LRRC49: variants seen among roughly 807,000 people sequenced by gnomAD.
LRRC49 encodes the protein leucine rich repeat containing 49, also known as leucine-rich repeat-containing protein 49.
In LRRC49, 50 loss-of-function variants were observed where a neutral mutation model predicts 83.3. The ratio of observed to expected loss-of-function variants is 0.60; its 90% CI spans 0.48 to 0.76. The LOEUF (loss-of-function observed/expected upper bound fraction) is 0.76, where lower values mean the gene tolerates loss of function less well. LRRC49 is among the 30% of genes least tolerant of loss of function. The pLI is 0.00. For synonymous variants in LRRC49, 286 were observed against 283.3 expected, an observed-to-expected ratio of 1.01 and a Z score of -0.10; for missense variants, 704 against 809.1, an observed-to-expected ratio of 0.87 and a Z score of 1.58.
chr15:71,008,199 T>A (rs1162719230), intron 11 of LRRC49, among the ~76,000 whole-genome samples, 180 bp from the exon 12 acceptor site: 1 of 151,940 alleles, frequency 6.6e-6, no homozygotes, highest in Admixed American at 6.6e-5. Context: ...TTAAAATATA[T>A]GATTAGAATA....
At chr15:71,008,183 CTTAAA>C (rs1159980055) in intron 11 of LRRC49, among the ~76,000 whole-genome samples, 191 bp from the exon 12 acceptor site, 3 of 151,672 alleles carry the variant, frequency 2.0e-5, no homozygotes, top group African/African-American at 7.3e-5. Flanking sequence ...TAACATGCCT[CTTAAA>C]TTAAAATATA....
chr15:71,024,202 T>A (rs1364069913), intron 14 of LRRC49, among the ~76,000 whole-genome samples: 3 of 152,176 alleles, frequency 2.0e-5, no homozygotes. Context: ...ATCTGGGTAG[T>A]CCAGACAAGT....
chr15:70,906,842 ATTTG>A (rs776164226), intron 5 of LRRC49, among the ~76,000 whole-genome samples: 13 of 151,982 alleles, frequency 8.6e-5, no homozygotes, highest in Admixed American at 2.6e-4. Flanking sequence ...CATCTTTTTT[ATTTG>A]TTATTTGTTT....
At chr15:70,986,329 C>G (rs1236123154) in intron 11 of LRRC49, among the ~76,000 whole-genome samples, 1 of 151,608 alleles carries the variant, frequency 6.6e-6, no homozygotes, top group Non-Finnish European at 1.5e-5. Flanking sequence ...GTTTGTAGTT[C>G]TCCTTGAAGA....
At chr15:71,037,390 A>G in intron 15 of LRRC49, 58 bp downstream of exon 15, 1 of 1,387,846 alleles carries the variant, frequency 7.2e-7, no homozygotes, top group Non-Finnish European at 9.8e-7. Context: ...CATGGCTTGG[A>G]ATTTGGGGGT....
rs547754814 is a variant in LRRC49, at chr15:70,915,052, TATCA to T, written c.567+3464_567+3467del. On this transcript the variant is annotated intron_variant, in intron 6 of 15. Coordinates refer to ENST00000260382, the MANE Select transcript of LRRC49 (RefSeq NM_017691.5). ...TCATCTTTTTTCTTGCTGTGAAGTATATCAATCAATCAAGACCTATGCTGTCACT... is the reference window on the plus strand; with the variant it reads ...TCATCTTTTTTCTTGCTGTGAAGTATATCAATCAAGACCTATGCTGTCACT... Among the ~76,000 whole-genome samples the T allele has an allele frequency of 9.8e-5, 15 of 152,342 alleles. No homozygotes were observed. In the South Asian group the frequency reaches 2.3e-3, roughly 23 times the overall value.
Position 71,030,012 on chromosome 15 carries a change from C to T in LRRC49, c.1704-7167C>T, listed in dbSNP as rs550490095. ...ATTATTTTAATTGGGGCATTTAGCC[C>T]ATTTACATTTAAGGTTAATATTATT... On this transcript the variant is annotated intron_variant, in intron 14 of 15. Transcript: ENST00000260382. 2.0e-4 allele frequency among the ~76,000 whole-genome samples: 30 copies of T among 152,246 alleles called. 1 individual carries two copies. The South Asian group carries it at 6.2e-3, about 32-fold the overall frequency.
intron 8 of LRRC49, among the ~76,000 whole-genome samples, chr15:70,943,214 A>G (rs938481405): frequency 8.1e-4 from 123 of 152,148 alleles, no homozygotes; most frequent in African/African-American, 2.7e-3. Context: ...GATACTTATT[A>G]TAGAACTAGA....
rs142501178 is a variant in LRRC49, at chr15:70,949,494, C to T, written c.773+12672C>T. 7.2e-5 allele frequency among the ~76,000 whole-genome samples: 11 copies of T among 152,186 alleles called. No individual in the cohort carries two copies. The East Asian group carries it at 1.9e-3, about 27-fold the overall frequency. ...AATACTTGTTAATTATAATAAGTGA[C>T]CCTGTTTTTGGTTTATGATGTACTA... is the stretch of plus-strand genomic sequence containing the variant. On this transcript the variant is annotated intron_variant, in intron 8 of 15. Coordinates refer to ENST00000260382, the MANE Select transcript of LRRC49 (RefSeq NM_017691.5).
chr15:70,944,194 C>T (rs1326535089), intron 8 of LRRC49, among the ~76,000 whole-genome samples: 1 of 152,124 alleles, frequency 6.6e-6, no homozygotes, highest in Non-Finnish European at 1.5e-5. Flanking sequence ...AAGCTGCTTA[C>T]ATAACTGCAC....
chr15:70,989,739 G>GT (rs1170596501), intron 11 of LRRC49, among the ~76,000 whole-genome samples: 3 of 152,124 alleles, frequency 2.0e-5, no homozygotes, highest in African/African-American at 4.8e-5. Context: ...TTTCTGCTCT[G>GT]TTTTTTCCCC....
chr15:71,049,534 T>C lies in LRRC49; in HGVS notation c.1983T>C (p.Val661=). 6.2e-7 allele frequency: 1 copy of C among 1,614,014 alleles called. No individual in the cohort carries two copies. The highest frequency in any genetic ancestry group is 8.5e-7 in the Non-Finnish European group (1 of 1,179,886). Residue 661 remains valine (V), a synonymous_variant, in exon 16 of 16, where the codon GTT becomes GTC. Transcript: ENST00000260382. ...KLWPQMFIEL[V]RDAVIEIRNK... is the part of the protein sequence containing the mutation. ...GGCCACAGATGTTCATTGAGCTTGT[T>C]AGGGATGCAGTCATAGAAATTCGCA...
chr15:70,910,363 A>G lies in LRRC49; in HGVS notation c.501-1169A>G, dbSNP rs137995264. On this transcript the variant is annotated intron_variant, in intron 5 of 15. Transcript: ENST00000260382. ...TAATGATCAGTATGTATGTATATAC[A>G]TACACACTACATATATATATCACAT... Among the ~76,000 whole-genome samples, 158 of 152,278 alleles carry G rather than the reference A, an allele frequency of 1.0e-3. 4 individuals are homozygous for G. In the South Asian group the frequency reaches 0.024, roughly 24 times the overall value.
rs528296066 is a variant in LRRC49 at position 70,920,969 on chromosome 15, A to G, written c.711+1776A>G. Reference sequence around the variant, plus strand: ...TTCCATCATTTTTTTCTCCAGTATCAGTTACCACACTTATTCTTCTTGCTT... The same window carrying G: ...TTCCATCATTTTTTTCTCCAGTATCGGTTACCACACTTATTCTTCTTGCTT... On this transcript the variant is annotated intron_variant, in intron 7 of 15. Coordinates refer to ENST00000260382, the MANE Select transcript of LRRC49 (RefSeq NM_017691.5). Among the ~76,000 whole-genome samples the G allele has an allele frequency of 6.6e-5, 10 of 152,254 alleles. No individual in the cohort carries two copies. The South Asian group carries it at 2.1e-3, about 32-fold the overall frequency.
At chr15:70,983,768 A>C (rs2037490293) in intron 10 of LRRC49, among the ~76,000 whole-genome samples, 1 of 152,142 alleles carries the variant, frequency 6.6e-6, no homozygotes, top group Admixed American at 6.5e-5. Context: ...AAGTATGTAA[A>C]AATTTATGTG....
chr15:70,877,749 T>G (rs2033181097), intron 2 of LRRC49, among the ~76,000 whole-genome samples: 1 of 152,220 alleles, frequency 6.6e-6, no homozygotes, highest in South Asian at 2.1e-4. Context: ...TACCACATTG[T>G]TTTCCAAAGT....
At chr15:70,876,534 T>C (rs2033155659) in intron 2 of LRRC49, among the ~76,000 whole-genome samples, 1 of 152,174 alleles carries the variant, frequency 6.6e-6, no homozygotes, top group East Asian at 1.9e-4. Flanking sequence ...AGGGTAGGTT[T>C]CTCAGGCAAC....
At chr15:70,950,170 A>G (rs990958486) in intron 8 of LRRC49, among the ~76,000 whole-genome samples, 1 of 152,148 alleles carries the variant, frequency 6.6e-6, no homozygotes, top group Non-Finnish European at 1.5e-5. Flanking sequence ...GTAGTATTCT[A>G]TGGTGTATAT....
intron 14 of LRRC49, among the ~76,000 whole-genome samples, chr15:71,014,459 AG>A (rs1196366533): frequency 4.6e-5 from 7 of 152,152 alleles, no homozygotes; most frequent in African/African-American, 7.2e-5. Context: ...AAAAGCAGGA[AG>A]GAAAAAAAAG....
Sources: allele counts gnomAD v4.1 joint callset (sites outside exome capture counted in the v4.1 genomes callset), GRCh38; gene constraint gnomAD v4.1.1; transcripts MANE v1.5; gene names NCBI Gene and HGNC (gene_info 2026-07-23, HGNC 2026-07-21).